AMMECR1L: variants seen among roughly 807,000 people sequenced by gnomAD.
The protein encoded by AMMECR1L is AMMECR1-like protein.
Under a neutral mutation model 36.8 loss-of-function variants are expected in AMMECR1L, and 4 were observed. That is an observed-to-expected ratio of 0.11 (90% CI 0.05 to 0.25). The LOEUF (loss-of-function observed/expected upper bound fraction) is 0.25. AMMECR1L is among the 10% of genes least tolerant of loss of function. The probability of loss-of-function intolerance (pLI) is 1.00; values close to 1 mark genes in which losing one functional copy is unlikely to be tolerated. For synonymous variants in AMMECR1L, 147 were observed against 148.0 expected, an observed-to-expected ratio of 0.99 and a Z score of 0.05; for missense variants, 232 against 392.1, an observed-to-expected ratio of 0.59 and a Z score of 3.45.
rs1369101410 is a variant in AMMECR1L, at chr2:127,863,323, A to G, written c.*1771T>C. ...GTAGCAGGCTGCAGGAACCCAGCACAGCAGTGAAGGGCCGCAGCCTAGGCA... is the reference window on the plus strand; with the variant it reads ...GTAGCAGGCTGCAGGAACCCAGCACGGCAGTGAAGGGCCGCAGCCTAGGCA... On this transcript the variant is annotated 3_prime_UTR_variant, in exon 8 of 8. Transcript: ENST00000272647. The G allele has an allele frequency of 2.0e-5, 3 of 152,696 alleles. No homozygotes were observed. The highest frequency in any genetic ancestry group is 4.4e-5 in the Non-Finnish European group (3 of 68,074). 9.5% of individuals were successfully genotyped at this position (152,696 alleles called of 1,614,324 possible).
chr2:127,870,400 G>A (rs890329101), intron 5 of AMMECR1L, among the ~76,000 whole-genome samples: 4 of 151,676 alleles, frequency 2.6e-5, no homozygotes, highest in African/African-American at 9.7e-5. Flanking sequence ...CCTTGAACTC[G>A]GGAGGCAGAG....
chr2:127,882,456 A>C (rs1691547104), intron 2 of AMMECR1L, among the ~76,000 whole-genome samples: 1 of 152,228 alleles, frequency 6.6e-6, no homozygotes, highest in Non-Finnish European at 1.5e-5. Context: ...CTATTCCAGG[A>C]AACAGTCAGA....
chr2:127,868,978 C>T (rs1011744717), intron 6 of AMMECR1L, among the ~76,000 whole-genome samples: 2 of 152,146 alleles, frequency 1.3e-5, no homozygotes, highest in South Asian at 4.1e-4. Flanking sequence ...CCACCTTGGC[C>T]TCCCAAAATG....
intron 2 of AMMECR1L, among the ~76,000 whole-genome samples, chr2:127,879,851 C>G (rs1397956131): frequency 6.6e-6 from 1 of 152,316 alleles, no homozygotes; most frequent in South Asian, 2.1e-4. Context: ...TCTAATAGAT[C>G]AGACTATCCT....
rs1056424070 is a variant in AMMECR1L, at chr2:127,865,116, G to C, written c.911C>G (p.Pro304Arg). 1 of 1,613,768 alleles carries C rather than the reference G, an allele frequency of 6.2e-7. No individual in the cohort carries two copies. The highest frequency in any genetic ancestry group is 1.7e-5 in the Admixed American group (1 of 59,980). The change falls in exon 8 of 8, where the codon CCC (proline) becomes CGC (arginine). Residue 304 changes from proline (P) to arginine (R), a missense_variant. Transcript: ENST00000272647. The surrounding 1 kb of genome is among the most constrained non-coding windows in gnomAD (Gnocchi z 5.4). ...GTGTCAGGAGTAATGATTGTAGAGGGGCGGGGCATGAAGAGTGCCGTTCTG... is the reference window on the plus strand; with the variant it reads ...GTGTCAGGAGTAATGATTGTAGAGGCGCGGGGCATGAAGAGTGCCGTTCTG... Reference protein sequence around the residue: ...CFQNGTLHAPPLYNHYS With the variant: ...CFQNGTLHAPRLYNHYS
In AMMECR1L at chr2:127,862,181, G is replaced by A. The variant is rs955623804; in HGVS notation, c.*2913C>T. On this transcript the variant is annotated 3_prime_UTR_variant, in exon 8 of 8. Transcript: ENST00000272647. ...CCTAGCTGTGGGTATTATGAGACAAGCCAACTTTCCAGACCAAAAGGCACT... is the reference window on the plus strand; with the variant it reads ...CCTAGCTGTGGGTATTATGAGACAAACCAACTTTCCAGACCAAAAGGCACT... 1.3e-5 allele frequency: 2 copies of A among 153,718 alleles called. No individual in the cohort carries two copies. The highest frequency in any genetic ancestry group is 4.8e-5 in the African/African-American group (2 of 41,424). The allele number at this position is 153,718 out of a possible 1,614,324, so 9.5% of individuals were successfully genotyped here. A position where few individuals can be genotyped will look rare whatever the true frequency, so the allele number is the denominator to read the frequency against.
chr2:127,866,047 A>T (rs1007001413), intron 7 of AMMECR1L, among the ~76,000 whole-genome samples: 6 of 152,232 alleles, frequency 3.9e-5, no homozygotes, highest in Non-Finnish European at 8.8e-5. Context: ...GTTGTTTTTT[A>T]AAAATTTTTG....
rs1690615684 is a variant in AMMECR1L, at chr2:127,864,886, G to C, written c.*208C>G. ...GAACCCCATATTGAGGAAAGGCTGA[G>C]ATAAGGCTTGGGCCCCTCAAGTTCT... is the stretch of plus-strand genomic sequence containing the variant. On this transcript the variant is annotated 3_prime_UTR_variant, in exon 8 of 8. Transcript: ENST00000272647. 1 of 410,378 alleles carries C rather than the reference G, an allele frequency of 2.4e-6. No individual in the cohort carries two copies. Among genetic ancestry groups the C allele is most frequent in the Non-Finnish European group, 4.4e-6 (1 of 226,460 alleles). The allele number at this position is 410,378 out of a possible 1,614,324, so 25.4% of individuals were successfully genotyped here.
rs753972582 is a variant in AMMECR1L at position 127,874,014 on chromosome 2, G to C, written c.221C>G (p.Ser74Cys). Residue 74 changes from serine to cysteine, a missense_variant, in exon 3 of 8, where the codon TCT becomes TGT. Ser to Cys is a moderately radical substitution (Grantham distance 112). This residue lies in a region of AMMECR1L where 109 missense variants were observed against 128.1 expected (regional missense o/e 0.85). Coordinates refer to ENST00000272647, the MANE Select transcript of AMMECR1L (RefSeq NM_001199140.2). This position sits in a 1 kb window ranked among gnomAD's most constrained non-coding sequence, Gnocchi z 5.2. ...VSDLTLGPGN[S>C]PITRMNPASG... ...TGCGGGATTCATTCGTGTGATGGGAGAGTTTCCAGGTCCCAGAGTTAAGTC... is the reference window on the plus strand; with the variant it reads ...TGCGGGATTCATTCGTGTGATGGGACAGTTTCCAGGTCCCAGAGTTAAGTC... The C allele has an allele frequency of 1.9e-5, 30 of 1,614,244 alleles. No individual in the cohort carries two copies. The highest frequency in any genetic ancestry group is 2.5e-5 in the Non-Finnish European group (30 of 1,180,046).
chr2:127,885,906 C>A lies in AMMECR1L; in HGVS notation c.-245G>T, dbSNP rs1290820139. ...GGAGCCATGCGCCTGGGTGGGGGCT[C>A]CCGAGAGAAGCTGGCCTGCGGGCGG... On this transcript the variant is annotated 5_prime_UTR_variant, in exon 1 of 8. Transcript: ENST00000272647. 41 of 986,226 alleles carry A rather than the reference C, an allele frequency of 4.2e-5. No individual in the cohort carries two copies. Among genetic ancestry groups the A allele is most frequent in the Admixed American group, 6.2e-5 (1 of 16,220 alleles). The allele number at this position is 986,226 out of a possible 1,614,324, so 61.1% of individuals were successfully genotyped here. A position where few individuals can be genotyped will look rare whatever the true frequency, so the allele number is the denominator to read the frequency against.
Position 127,871,013 on chromosome 2 carries a change from T to A in AMMECR1L, c.519-85A>T. 9.3e-7 allele frequency: 1 copy of A among 1,077,392 alleles called. No individual in the cohort carries two copies. Among genetic ancestry groups the A allele is most frequent in the Non-Finnish European group, 1.3e-6 (1 of 742,336 alleles). The allele number at this position is 1,077,392 out of a possible 1,614,324, so 66.7% of individuals were successfully genotyped here. On this transcript the variant is annotated intron_variant, in intron 4 of 7. Coordinates refer to ENST00000272647, the MANE Select transcript of AMMECR1L (RefSeq NM_001199140.2). The surrounding 1 kb of genome is among the most constrained non-coding windows in gnomAD (Gnocchi z 4.3). ...GCCATAGAGCCCACATATTTATGAA[T>A]CTTGAGCTATGCAGAGAGTATCTAT...
At position 127,861,793 on chromosome 2, in the gene AMMECR1L, C is replaced by G. The variant is rs934154544; in HGVS notation, c.*3301G>C. 4 of 151,992 alleles carry G rather than the reference C, an allele frequency of 2.6e-5. No individual in the cohort carries two copies. The highest frequency in any genetic ancestry group is 2.6e-4 in the Admixed American group (4 of 15,254). 9.4% of individuals were successfully genotyped at this position (151,992 alleles called of 1,614,324 possible). A position where few individuals can be genotyped will look rare whatever the true frequency, so the allele number is the denominator to read the frequency against. ...GTCTCTTGCTTCAGGGAAGTAAGAA[C>G]GAAATGAACAAAAAGAACACATAGC... is the stretch of plus-strand genomic sequence containing the variant. On this transcript the variant is annotated 3_prime_UTR_variant, in exon 8 of 8. Coordinates refer to ENST00000272647, the MANE Select transcript of AMMECR1L (RefSeq NM_001199140.2).
chr2:127,884,635 T>G (rs1691669662), intron 1 of AMMECR1L: 1 of 152,174 alleles, frequency 6.6e-6, no homozygotes, highest in African/African-American at 2.4e-5. Context: ...GAGCAAAAGT[T>G]GCTCTCAGGC....
intron 3 of AMMECR1L, among the ~76,000 whole-genome samples, chr2:127,872,337 G>A (rs905896606): frequency 6.6e-6 from 1 of 151,864 alleles, no homozygotes; most frequent in African/African-American, 2.4e-5. Flanking sequence ...ATGAGCCACC[G>A]CGCCCAGCCA....
chr2:127,876,257 C>T (rs1003167826), intron 2 of AMMECR1L, among the ~76,000 whole-genome samples: 8 of 149,920 alleles, frequency 5.3e-5, no homozygotes, highest in African/African-American at 1.2e-4. Context: ...GGCTAAGGAG[C>T]GAGGATTGCC....
chr2:127,871,498 T>A lies in AMMECR1L; in HGVS notation c.408-139A>T. 1.3e-6 allele frequency: 1 copy of A among 795,886 alleles called. No individual in the cohort carries two copies. The highest frequency in any genetic ancestry group is 2.5e-5 in the Admixed American group (1 of 40,008). 49.3% of individuals were successfully genotyped at this position (795,886 alleles called of 1,614,324 possible). On this transcript the variant is annotated intron_variant, in intron 3 of 7. Coordinates refer to ENST00000272647, the MANE Select transcript of AMMECR1L (RefSeq NM_001199140.2). This position sits in a 1 kb window ranked among gnomAD's most constrained non-coding sequence, Gnocchi z 4.3. Reference sequence around the variant, plus strand: ...TGGACTTGCCAGCTACCCGAAGGACTCTCTGCCTTTCTGAAAACGGCACAG... The same window carrying A: ...TGGACTTGCCAGCTACCCGAAGGACACTCTGCCTTTCTGAAAACGGCACAG...
chr2:127,868,609 G>A (rs182237774), intron 6 of AMMECR1L, among the ~76,000 whole-genome samples: 3 of 152,230 alleles, frequency 2.0e-5, no homozygotes, highest in East Asian at 1.9e-4. Context: ...ACTGCACTAC[G>A]TATCACAGAA....
Position 127,874,692 on chromosome 2 carries a change from G to T in AMMECR1L, c.-38-420C>A, listed in dbSNP as rs1691144293. Among the ~76,000 whole-genome samples, 1 of 152,168 alleles carries T rather than the reference G, an allele frequency of 6.6e-6. No homozygotes were observed. Among genetic ancestry groups the T allele is most frequent in the Non-Finnish European group, 1.5e-5 (1 of 68,024 alleles). On this transcript the variant is annotated intron_variant, in intron 2 of 7. Transcript: ENST00000272647. The surrounding 1 kb of genome is among the most constrained non-coding windows in gnomAD (Gnocchi z 5.2). ...CATCCTATTTTTAAAGAACTCCAGAGGAACTTTCATGATTTTCCTTGTTAA... is the reference window on the plus strand; with the variant it reads ...CATCCTATTTTTAAAGAACTCCAGATGAACTTTCATGATTTTCCTTGTTAA...
At chr2:127,885,021 G>A (rs1486147887) in intron 1 of AMMECR1L, 5 of 377,670 alleles carry the variant, frequency 1.3e-5, no homozygotes, top group African/African-American at 4.5e-5. Context: ...AGCATGGCAA[G>A]GAGAGGAGTT....
Sources: gnomAD v4.1 joint callset for allele counts (sites outside exome capture counted in the v4.1 genomes callset) on GRCh38, gnomAD v4.1.1 for gene constraint, gnomAD v4.1.1 regional missense constraint, Gnocchi (gnomAD v3.1) non-coding constraint, MANE v1.5 for transcripts, NCBI Gene and HGNC (gene_info 2026-07-23, HGNC 2026-07-21) for gene names.